Variants in SLC35D2 observed in about 807,000 individuals in gnomAD.
SLC35D2 encodes the protein solute carrier family 35 member D2.
In SLC35D2, 43 loss-of-function variants were observed where a neutral mutation model predicts 41.8. The ratio of observed to expected loss-of-function variants is 1.03; its 90% CI spans 0.81 to 1.33. The LOEUF (loss-of-function observed/expected upper bound fraction) is 1.33, where lower values mean the gene tolerates loss of function less well. Ranked by LOEUF, SLC35D2 falls within the 40% of genes most tolerant of loss-of-function variation. The pLI is 0.00. For synonymous variants in SLC35D2, 150 were observed against 163.9 expected, an observed-to-expected ratio of 0.92 and a Z score of 0.65; for missense variants, 380 against 408.4, an observed-to-expected ratio of 0.93 and a Z score of 0.60.
rs143961970 is a variant in SLC35D2 at position 96,351,123 on chromosome 9, G to C, written c.468C>G (p.Leu156=). Residue 156 remains leucine (L), a synonymous_variant, in exon 6 of 12, where the codon CTC becomes CTG. Transcript: ENST00000253270. ...CTTACCCAGCTGCTATGAAAGCCCC[G>C]AGAATAATGGCAAAGACACTGAGGA... ...NIILSVFAII[L]GAFIAAGSDL... 3.8e-5 allele frequency: 61 copies of C among 1,612,390 alleles called. No homozygotes were observed. The highest frequency in any genetic ancestry group is 5.0e-5 in the Non-Finnish European group (59 of 1,178,602).
chr9:96,382,572 C>A (rs1405140568), intron 1 of SLC35D2, among the ~76,000 whole-genome samples: 9 of 150,914 alleles, frequency 6.0e-5, no homozygotes, highest in Non-Finnish European at 1.2e-4. Context: ...CCTCAGCCAG[C>A]CTCAGCTTTC....
chr9:96,315,359 C>A (rs2130813890), intron 11 of SLC35D2, among the ~76,000 whole-genome samples: 2 of 152,052 alleles, frequency 1.3e-5, no homozygotes, highest in Admixed American at 1.3e-4. Context: ...TGGGTTCAAG[C>A]AATCCATCCG....
chr9:96,359,663 G>A (rs1325430144), intron 4 of SLC35D2, among the ~76,000 whole-genome samples: 1 of 151,844 alleles, frequency 6.6e-6, no homozygotes, highest in African/African-American at 2.4e-5. Context: ...CTCCAACCTG[G>A]GAGACAGAGT....
intron 1 of SLC35D2, among the ~76,000 whole-genome samples, chr9:96,376,577 C>G (rs750396961): frequency 6.6e-6 from 1 of 152,030 alleles, no homozygotes; most frequent in Non-Finnish European, 1.5e-5. Flanking sequence ...CCATTGCACT[C>G]CAGCCTGGGC....
At chr9:96,382,504 A>AC (rs1831246091) in intron 1 of SLC35D2, among the ~76,000 whole-genome samples, 4 of 149,260 alleles carry the variant, frequency 2.7e-5, no homozygotes, top group Non-Finnish European at 6.0e-5. Flanking sequence ...CACTATATAT[A>AC]TATATATATA....
At chr9:96,365,031 C>G (rs895785735) in intron 2 of SLC35D2, among the ~76,000 whole-genome samples, 2 of 145,066 alleles carry the variant, frequency 1.4e-5, no homozygotes, top group Non-Finnish European at 3.0e-5. Context: ...GAGTGAGACA[C>G]CACTGTCTCA....
At chr9:96,360,086 C>T in intron 4 of SLC35D2, 68 bp downstream of exon 4, 2 of 1,156,000 alleles carry the variant, frequency 1.7e-6, no homozygotes, top group Non-Finnish European at 2.6e-6. Context: ...AAAAATCAAT[C>T]TTGGTCTTTG....
intron 2 of SLC35D2, 113 bp from the exon 3 acceptor site, chr9:96,364,663 T>C: frequency 1.4e-6 from 1 of 727,508 alleles, no homozygotes; most frequent in South Asian, 1.5e-5. Context: ...AGCAAAAAAT[T>C]CATTTTCTAG....
intron 9 of SLC35D2, among the ~76,000 whole-genome samples, chr9:96,331,055 G>GCCCCGCTGATTTTTGTATAC (rs1828785377): frequency 6.6e-6 from 1 of 152,078 alleles, no homozygotes; most frequent in African/African-American, 2.4e-5. Flanking sequence ...ACACTACCAC[G>GCCCCGCTGATTTTTGTATAC]CCCCGCTGAT....
At chr9:96,329,353 C>A (rs1218432490) in intron 9 of SLC35D2, among the ~76,000 whole-genome samples, 4 of 152,052 alleles carry the variant, frequency 2.6e-5, no homozygotes, top group Admixed American at 2.6e-4. Flanking sequence ...GCCTCACCCT[C>A]CTGAGTAGCT....
intron 4 of SLC35D2, among the ~76,000 whole-genome samples, chr9:96,358,502 T>G (rs1469970842): frequency 6.6e-6 from 1 of 152,144 alleles, no homozygotes; most frequent in Non-Finnish European, 1.5e-5. Flanking sequence ...AACACATATT[T>G]GATAAAGGAC....
intron 1 of SLC35D2, among the ~76,000 whole-genome samples, chr9:96,368,610 T>C (rs1379718108): frequency 3.3e-5 from 5 of 151,266 alleles, no homozygotes; most frequent in Non-Finnish European, 7.4e-5. Flanking sequence ...CAAGCCATCT[T>C]TCCACCTTTG....
intron 8 of SLC35D2, among the ~76,000 whole-genome samples, chr9:96,341,421 A>G (rs1037988912): frequency 6.6e-6 from 1 of 152,228 alleles, no homozygotes; most frequent in African/African-American, 2.4e-5. Context: ...AATAAAGATG[A>G]CAGTGGAGGA....
intron 1 of SLC35D2, 118 bp downstream of exon 1, chr9:96,383,359 A>T: frequency 1.5e-6 from 1 of 666,814 alleles, no homozygotes; most frequent in East Asian, 3.9e-5. Context: ...CAATGTGCCC[A>T]GCTGAGACTC....
chr9:96,354,315 G>A (rs919840624), intron 4 of SLC35D2, among the ~76,000 whole-genome samples: 1 of 152,154 alleles, frequency 6.6e-6, no homozygotes, highest in Non-Finnish European at 1.5e-5. Context: ...AAGAACTAAA[G>A]CTATCTCTAT....
chr9:96,331,284 C>T (rs770064550), intron 9 of SLC35D2, among the ~76,000 whole-genome samples: 2 of 152,272 alleles, frequency 1.3e-5, no homozygotes, highest in East Asian at 1.9e-4. Flanking sequence ...AAGACAAATG[C>T]GTGATTGCCT....
chr9:96,371,718 C>CTTTTT (rs774105070), intron 1 of SLC35D2, among the ~76,000 whole-genome samples: 14 of 90,590 alleles, frequency 1.5e-4, no homozygotes, highest in Admixed American at 2.3e-4. Flanking sequence ...AACTAAATTT[C>CTTTTT]TTTTTTTTTT....
At chr9:96,342,644 A>G (rs914971706) in intron 8 of SLC35D2, among the ~76,000 whole-genome samples, 2 of 152,196 alleles carry the variant, frequency 1.3e-5, no homozygotes, top group African/African-American at 4.8e-5. Flanking sequence ...AGAGCTCTTT[A>G]TCGAGATTGG....
At chr9:96,358,028 C>CA (rs1186276978) in intron 4 of SLC35D2, among the ~76,000 whole-genome samples, 2 of 143,518 alleles carry the variant, frequency 1.4e-5, no homozygotes, top group Non-Finnish European at 3.0e-5. Context: ...GACCCTGTCT[C>CA]AAAAAATAAT....
Sources: gnomAD v4.1 joint callset for allele counts (sites outside exome capture counted in the v4.1 genomes callset) on GRCh38, gnomAD v4.1.1 for gene constraint, MANE v1.5 for transcripts, NCBI Gene and HGNC (gene_info 2026-07-23, HGNC 2026-07-21) for gene names.